Variants in SNX6 observed in about 807,000 individuals in gnomAD.
The protein encoded by SNX6 is sorting nexin-6.
SNX6 carries 34 observed loss-of-function variants against 63.0 expected under a neutral mutation model. That is an observed-to-expected ratio of 0.54 (90% CI 0.41 to 0.72). The LOEUF (loss-of-function observed/expected upper bound fraction) is 0.72. SNX6 is among the 30% of genes least tolerant of loss of function. The probability of loss-of-function intolerance (pLI) is 0.00; values close to 1 mark genes in which losing one functional copy is unlikely to be tolerated. For synonymous variants in SNX6, 170 were observed against 164.2 expected (o/e 1.04, Z -0.27); for missense variants, 398 against 471.4 (o/e 0.84, Z 1.44).
chr14:34,568,997 CTT>C, intron 11 of SNX6: 3 of 1,466,908 alleles, frequency 2.0e-6, no homozygotes, highest in Non-Finnish European at 2.9e-6. Flanking sequence ...GGAGCAAGCT[CTT>C]TGTGCTTGGC....
chr14:34,579,661 T>C (rs985690130), intron 10 of SNX6, among the ~76,000 whole-genome samples: 2 of 151,918 alleles, frequency 1.3e-5, no homozygotes, highest in African/African-American at 4.8e-5. Flanking sequence ...GGTTTAATCC[T>C]ATGAATATAA....
At chr14:34,576,452 ATTTT>A (rs761952812) in intron 10 of SNX6, among the ~76,000 whole-genome samples, 1,456 of 63,144 alleles carry the variant, frequency 0.023, 30 homozygotes, top group African/African-American at 0.051. Context: ...ATATATATAT[ATTTT>A]TTTTTTTTTT....
chr14:34,617,467 G>A (rs923996072), intron 2 of SNX6, among the ~76,000 whole-genome samples: 2 of 151,866 alleles, frequency 1.3e-5, no homozygotes, highest in East Asian at 1.9e-4. Flanking sequence ...TAGTGAGATC[G>A]TGTCTCCACA....
At chr14:34,629,506 T>G (rs1594757533) in intron 2 of SNX6, 3 of 492,928 alleles carry the variant, frequency 6.1e-6, no homozygotes, top group South Asian at 4.6e-5. Flanking sequence ...AAGTTCGAGA[T>G]GTCCACACCG....
At chr14:34,624,009 A>G (rs1883728144) in intron 2 of SNX6, among the ~76,000 whole-genome samples, 1 of 152,204 alleles carries the variant, frequency 6.6e-6, no homozygotes, top group South Asian at 2.1e-4. Context: ...AAAACCTATT[A>G]TATAGAGGTA....
At chr14:34,620,840 C>G (rs1205079642) in intron 2 of SNX6, among the ~76,000 whole-genome samples, 4 of 151,960 alleles carry the variant, frequency 2.6e-5, no homozygotes, top group Admixed American at 2.6e-4. Flanking sequence ...ACTCAGGAAG[C>G]TGAGACACAA....
chr14:34,605,046 T>C (rs1038547225), intron 5 of SNX6, among the ~76,000 whole-genome samples: 5 of 151,854 alleles, frequency 3.3e-5, no homozygotes, highest in Middle Eastern at 3.4e-3. Context: ...TAGTTTCATA[T>C]ATACTAGAAA....
chr14:34,575,705 C>A, intron 11 of SNX6, 51 bp downstream of exon 11: 1 of 975,528 alleles, frequency 1.0e-6, no homozygotes, highest in Non-Finnish European at 1.6e-6. Flanking sequence ...CTAACAAACT[C>A]AAGAAATGGC....
intron 8 of SNX6, among the ~76,000 whole-genome samples, chr14:34,592,730 ATTTTATT>A (rs1159473586): frequency 6.6e-6 from 1 of 152,024 alleles, no homozygotes; most frequent in Non-Finnish European, 1.5e-5. Context: ...CGTCTGGCTA[ATTTTATT>A]TTTTATATCA....
rs761050264 is a variant in SNX6, at chr14:34,608,039, T to C, written c.261A>G (p.Ala87=). The change falls in exon 4 of 14, where the codon GCA becomes GCG. Residue 87 remains alanine (A), a synonymous_variant. Coordinates refer to ENST00000362031, the MANE Select transcript of SNX6 (RefSeq NM_152233.4). ...GAGTCTCAATACTTACGATATAACCTGCATAGTCTTCATTTTCAACAAAGG... is the reference window on the plus strand; with the variant it reads ...GAGTCTCAATACTTACGATATAACCCGCATAGTCTTCATTTTCAACAAAGG... The part of the protein sequence containing the change: ...HDSFVENEDY[A]GYIIPPAPPR... The C allele has an allele frequency of 2.5e-6, 4 of 1,571,950 alleles. No homozygotes were observed. The highest frequency in any genetic ancestry group is 3.5e-6 in the Non-Finnish European group (4 of 1,146,018).
At chr14:34,603,997 T>C in intron 5 of SNX6, 2 of 557,980 alleles carry the variant, frequency 3.6e-6, no homozygotes, top group Non-Finnish European at 4.8e-6. Flanking sequence ...GTGTTTAAAA[T>C]ATTTTAATAC....
At chr14:34,563,748 T>C (rs952148469) in intron 13 of SNX6, among the ~76,000 whole-genome samples, 7 of 152,180 alleles carry the variant, frequency 4.6e-5, no homozygotes, top group African/African-American at 9.6e-5. Context: ...TTTTTCTTTT[T>C]TTTTTTCTGA....
chr14:34,575,602 T>C (rs1881661956), intron 11 of SNX6, 154 bp downstream of exon 11: 4 of 419,750 alleles, frequency 9.5e-6, no homozygotes, highest in South Asian at 2.9e-5. Flanking sequence ...TATACACATA[T>C]ATACAATTTC....
In SNX6 at chr14:34,593,052, G is replaced by C; in HGVS notation, c.711C>G (p.Ser237=). ...ASAKSDRMTR[S]HKSAADDYNR... ...GCCACAGAAAAATCTTACTTTTGTG[G>C]GATCTTGTCATTCTATCAGATTTAG... Residue 237 remains serine, a synonymous_variant, in exon 8 of 14, where the codon TCC becomes TCG. Transcript: ENST00000362031. The C allele has an allele frequency of 6.3e-7, 1 of 1,587,576 alleles. No individual in the cohort carries two copies.
At chr14:34,612,025 C>T (rs899604165) in intron 2 of SNX6, among the ~76,000 whole-genome samples, 4 of 152,144 alleles carry the variant, frequency 2.6e-5, no homozygotes, top group Non-Finnish European at 5.9e-5. Flanking sequence ...GTGATACGCC[C>T]GCCTCGGCCT....
intron 2 of SNX6, among the ~76,000 whole-genome samples, chr14:34,613,118 A>C (rs1052585347): frequency 3.3e-5 from 5 of 151,960 alleles, no homozygotes; most frequent in African/African-American, 9.7e-5. Flanking sequence ...CCATGGAGGC[A>C]GATTAGAGTA....
At chr14:34,607,683 G>A (rs1001816929) in intron 4 of SNX6, among the ~76,000 whole-genome samples, 4 of 152,176 alleles carry the variant, frequency 2.6e-5, no homozygotes, top group Non-Finnish European at 5.9e-5. Context: ...CAAGGTGGGT[G>A]AATCATCTGA....
chr14:34,565,830 C>G (rs1272104519), intron 13 of SNX6, among the ~76,000 whole-genome samples: 3 of 152,158 alleles, frequency 2.0e-5, no homozygotes, highest in Non-Finnish European at 2.9e-5. Flanking sequence ...GCTGGGACCA[C>G]AGGCGCCCGC....
At chr14:34,605,480 G>T in intron 5 of SNX6, 116 bp downstream of exon 5, 2 of 801,432 alleles carry the variant, frequency 2.5e-6, no homozygotes, top group Non-Finnish European at 3.8e-6. Context: ...GCATCTTCCA[G>T]AAAGGGTTTA....
Sources: gnomAD v4.1 joint callset for allele counts (sites outside exome capture counted in the v4.1 genomes callset) on GRCh38, gnomAD v4.1.1 for gene constraint, MANE v1.5 for transcripts, NCBI Gene and HGNC (gene_info 2026-07-23, HGNC 2026-07-21) for gene names.